LEMD1: variants seen among roughly 807,000 people sequenced by gnomAD.
LEMD1 encodes LEM domain-containing protein 1.
Under a neutral mutation model 17.4 loss-of-function variants are expected in LEMD1, and 18 were observed. That is an observed-to-expected ratio of 1.04 (90% confidence interval 0.72 to 1.54). LEMD1 has a LOEUF of 1.54. LEMD1 is among the 40% of genes most tolerant of loss of function. The pLI is 0.00. For synonymous variants in LEMD1, 88 were observed against 77.8 expected (o/e 1.13, Z -0.69); for missense variants, 195 against 210.4 (o/e 0.93, Z 0.45).
At chr1:205,410,577 G>A (rs1287197796) in intron 4 of LEMD1, among the ~76,000 whole-genome samples, 1 of 152,168 alleles carries the variant, frequency 6.6e-6, no homozygotes, top group Non-Finnish European at 1.5e-5. Context: ...AACAGGGACT[G>A]AGTAAGTCCC....
At position 205,381,442 on chromosome 1, in the gene LEMD1, G is replaced by T; in HGVS notation, c.*216C>A. The T allele has an allele frequency of 1.7e-6, 1 of 581,822 alleles. No individual in the cohort carries two copies. Among genetic ancestry groups the T allele is most frequent in the South Asian group, 2.1e-5 (1 of 48,568 alleles). 36.0% of individuals were successfully genotyped at this position (581,822 alleles called of 1,614,324 possible). A position where few individuals can be genotyped will look rare whatever the true frequency, so the allele number is the denominator to read the frequency against. On this transcript the variant is annotated 3_prime_UTR_variant, in exon 6 of 6. Transcript: ENST00000367153. Reference sequence around the variant, plus strand: ...TAATGAGAGTTGACATGACTTGGGGGATTTCCTAACCATCATGCTCTTAAC... The same window carrying T: ...TAATGAGAGTTGACATGACTTGGGGTATTTCCTAACCATCATGCTCTTAAC...
rs1476564363 is a variant in LEMD1 at position 205,407,517 on chromosome 1, T to C, written c.270+8715A>G. On this transcript the variant is annotated intron_variant, in intron 4 of 5. Transcript: ENST00000367153. ...GAGAGTTTCTGAGTTGGTGAACGCA[T>C]TAAGGTACTTAGAGGGCAGCGCGCC... Among the ~76,000 whole-genome samples the C allele has an allele frequency of 3.3e-5, 5 of 152,232 alleles. No individual in the cohort carries two copies. In the East Asian group the frequency reaches 9.7e-4, roughly 29 times the overall value.
chr1:205,384,295 C>T lies in LEMD1; in HGVS notation c.340G>A (p.Gly114Arg). The T allele has an allele frequency of 1.3e-6, 2 of 1,498,728 alleles. No individual in the cohort carries two copies. The highest frequency in any genetic ancestry group is 8.9e-7 in the Non-Finnish European group (1 of 1,122,578). 92.8% of individuals were successfully genotyped at this position (1,498,728 alleles called of 1,614,324 possible). Residue 114 changes from glycine to arginine, a missense_variant, in exon 5 of 6, where the codon GGA becomes AGA. Transcript: ENST00000367153. ...TYCLDYKPSK[G>R]RRWAARAPST... ...GCTAAAAAACATCATTACCTTCTTCCCTTGGAAGGCTTATAATCCAAGCAA... is the reference window on the plus strand; with the variant it reads ...GCTAAAAAACATCATTACCTTCTTCTCTTGGAAGGCTTATAATCCAAGCAA...
intron 4 of LEMD1, among the ~76,000 whole-genome samples, chr1:205,407,566 G>A (rs983694745): frequency 5.9e-5 from 9 of 152,230 alleles, no homozygotes; most frequent in Admixed American, 2.6e-4. Context: ...GAAACTCTGC[G>A]TCTCTTGCCC....
chr1:205,422,499 TA>T (rs1665991915), upstream of LEMD1, among the ~76,000 whole-genome samples: 1 of 152,230 alleles, frequency 6.6e-6, no homozygotes, highest in South Asian at 2.1e-4. Context: ...GGAGGGCAGA[TA>T]AATAATAATA....
intron 1 of LEMD1, among the ~76,000 whole-genome samples, chr1:205,428,048 C>T (rs1666080038): frequency 6.6e-6 from 1 of 152,350 alleles, no homozygotes; most frequent in South Asian, 2.1e-4. Context: ...GAGGGCCAGA[C>T]AGCCAAGGGC....
intron 5 of LEMD1, chr1:205,382,158 C>G (rs959329708): frequency 6.8e-6 from 2 of 292,168 alleles, no homozygotes; most frequent in Non-Finnish European, 1.3e-5. Context: ...CATGCCACCA[C>G]CCCCAGCTAA....
intron 1 of LEMD1, chr1:205,437,551 C>G (rs1355767039): frequency 6.6e-6 from 1 of 152,306 alleles, no homozygotes; most frequent in South Asian, 2.1e-4. Context: ...CTCACTCCCC[C>G]TCTCACTTCT....
intron 1 of LEMD1, among the ~76,000 whole-genome samples, chr1:205,444,817 C>T (rs912712814): frequency 4.6e-5 from 7 of 151,996 alleles, no homozygotes. Context: ...GCGCCCCCCA[C>T]GACCCATCCC....
chr1:205,409,377 A>C (rs1366211016), intron 4 of LEMD1, among the ~76,000 whole-genome samples: 1 of 152,252 alleles, frequency 6.6e-6, no homozygotes, highest in Non-Finnish European at 1.5e-5. Flanking sequence ...TTCATGTAAC[A>C]ATAATGTTAA....
rs1663690767 is a variant in LEMD1, at chr1:205,381,511, A to G, written c.*147T>C. 1.3e-6 allele frequency: 1 copy of G among 760,058 alleles called. No homozygotes were observed. The highest frequency in any genetic ancestry group is 1.7e-5 in the African/African-American group (1 of 57,686). 47.1% of individuals were successfully genotyped at this position (760,058 alleles called of 1,614,324 possible). ...AGGTTCCTTCCACCTGGCTGAGCCC[A>G]GACACCGATCTGTGAGAGCAGCACA... On this transcript the variant is annotated 3_prime_UTR_variant, in exon 6 of 6. Coordinates refer to ENST00000367153, the MANE Select transcript of LEMD1 (RefSeq NM_001199050.2).
At chr1:205,406,911 C>T (rs1270483836) in intron 4 of LEMD1, among the ~76,000 whole-genome samples, 1 of 152,112 alleles carries the variant, frequency 6.6e-6, no homozygotes, top group African/African-American at 2.4e-5. Context: ...TTCTAAGGAC[C>T]CTTGGAATCT....
chr1:205,418,515 T>C (rs977024422), intron 3 of LEMD1, among the ~76,000 whole-genome samples: 2 of 152,126 alleles, frequency 1.3e-5, no homozygotes, highest in Non-Finnish European at 2.9e-5. Flanking sequence ...GGAGGTATAA[T>C]CTGGTTCATC....
At chr1:205,396,661 T>C (rs1299331046) in intron 4 of LEMD1, among the ~76,000 whole-genome samples, 1 of 152,226 alleles carries the variant, frequency 6.6e-6, no homozygotes, top group Non-Finnish European at 1.5e-5. Flanking sequence ...AGCATGATGC[T>C]GCATGGTAAG....
chr1:205,417,629 C>T (rs750660580), intron 3 of LEMD1, among the ~76,000 whole-genome samples: 11 of 151,798 alleles, frequency 7.2e-5, no homozygotes, highest in Non-Finnish European at 1.5e-4. Context: ...TGCTCAAGGG[C>T]CAGTGAAGTT....
At chr1:205,449,423 C>A (rs1272945287) in intron 1 of LEMD1, among the ~76,000 whole-genome samples, 2 of 152,054 alleles carry the variant, frequency 1.3e-5, no homozygotes, top group African/African-American at 2.4e-5. Flanking sequence ...GGCCCCAGGC[C>A]CAGATCAGGC....
chr1:205,389,033 C>CTTTTTTTTTTTTTTTTTT (rs1278093645), intron 4 of LEMD1, among the ~76,000 whole-genome samples: 2 of 77,090 alleles, frequency 2.6e-5, no homozygotes. Context: ...AGTACATTTG[C>CTTTTTTTTTTTTTTTTTT]TTTCTTTTTT....
At chr1:205,443,490 C>A (rs912950198) in intron 1 of LEMD1, among the ~76,000 whole-genome samples, 2 of 152,118 alleles carry the variant, frequency 1.3e-5, no homozygotes, top group African/African-American at 4.8e-5. Context: ...ACCTACACAT[C>A]AGAGGAAAGG....
chr1:205,445,993 C>G (rs915471928), intron 1 of LEMD1, among the ~76,000 whole-genome samples: 1 of 152,086 alleles, frequency 6.6e-6, no homozygotes, highest in Non-Finnish European at 1.5e-5. Context: ...AACATGGGCC[C>G]ACTCTCGCAA....
Sources: gnomAD v4.1 joint callset for allele counts (sites outside exome capture counted in the v4.1 genomes callset) on GRCh38, gnomAD v4.1.1 for gene constraint, MANE v1.5 for transcripts, NCBI Gene and HGNC (gene_info 2026-07-23, HGNC 2026-07-21) for gene names.